MSRA: variants seen among roughly 807,000 people sequenced by gnomAD.
MSRA encodes methionine sulfoxide reductase A, also known as mitochondrial peptide methionine sulfoxide reductase.
Under a neutral mutation model 31.3 loss-of-function variants are expected in MSRA, and 54 were observed. The ratio of observed to expected loss-of-function variants is 1.73; its 90% CI spans 1.39 to 2.17. MSRA has a LOEUF of 2.17. Among genes scored for constraint, MSRA ranks in the 30% most tolerant of loss-of-function variants. MSRA has a pLI of 0.00. For missense variants in MSRA, 507 were observed against 300.9 expected, an observed-to-expected ratio of 1.69 and a Z score of -5.07; for synonymous variants, 169 against 116.5, an observed-to-expected ratio of 1.45 and a Z score of -2.90.
intron 5 of MSRA, among the ~76,000 whole-genome samples, chr8:10,347,238 G>A (rs980045638): frequency 2.0e-5 from 3 of 152,072 alleles, no homozygotes; most frequent in Non-Finnish European, 2.9e-5. Flanking sequence ...AGTAAATACC[G>A]ATTAAACAAA....
chr8:10,165,815 A>G (rs887352258), intron 1 of MSRA, among the ~76,000 whole-genome samples: 1 of 152,172 alleles, frequency 6.6e-6, no homozygotes, highest in Non-Finnish European at 1.5e-5. Flanking sequence ...GCTGACAAAT[A>G]AATGCTTCCT....
chr8:10,383,317 T>A (rs974560343), intron 5 of MSRA, among the ~76,000 whole-genome samples: 1 of 152,134 alleles, frequency 6.6e-6, no homozygotes, highest in Admixed American at 6.6e-5. Flanking sequence ...GTGGGGTGCA[T>A]GGGGTCCTGC....
intron 1 of MSRA, among the ~76,000 whole-genome samples, chr8:10,137,075 C>A (rs561266088): frequency 6.6e-6 from 1 of 152,182 alleles, no homozygotes; most frequent in African/African-American, 2.4e-5. Context: ...AAATTCGCTT[C>A]CATCCTCAGA....
intron 2 of MSRA, among the ~76,000 whole-genome samples, chr8:10,221,207 G>T (rs1810462890): frequency 6.6e-6 from 1 of 152,156 alleles, no homozygotes; most frequent in Non-Finnish European, 1.5e-5. Flanking sequence ...CTGCAGTGAT[G>T]CATAAGAAAT....
chr8:10,143,914 C>T (rs1802918486), intron 1 of MSRA, among the ~76,000 whole-genome samples: 1 of 152,166 alleles, frequency 6.6e-6, no homozygotes. Flanking sequence ...TTCTTGTCTG[C>T]TGCTTTTCTA....
At position 10,216,513 on chromosome 8, in the gene MSRA, A is replaced by C. The variant is rs571843250; in HGVS notation, c.211+8612A>C. Among the ~76,000 whole-genome samples, 7 of 152,324 alleles carry C rather than the reference A, an allele frequency of 4.6e-5. No individual in the cohort carries two copies. The East Asian group carries it at 1.4e-3, about 29-fold the overall frequency. On this transcript the variant is annotated intron_variant, in intron 2 of 5. Transcript: ENST00000317173. ...ACATTGTTTTGTACCCATCACCACC[A>C]TCTAGCTCCAGAATTATTTTATCTT...
intron 1 of MSRA, among the ~76,000 whole-genome samples, chr8:10,186,938 A>C (rs1807107753): frequency 6.6e-6 from 1 of 152,186 alleles, no homozygotes; most frequent in Non-Finnish European, 1.5e-5. Flanking sequence ...AGCTGTCATC[A>C]GTCATTCCGA....
intron 1 of MSRA, among the ~76,000 whole-genome samples, chr8:10,057,265 C>G (rs569544383): frequency 6.6e-6 from 1 of 152,112 alleles, no homozygotes. Context: ...GTAGGGCACA[C>G]GGCAATGTGT....
chr8:10,415,765 G>A (rs1808422030), intron 5 of MSRA, among the ~76,000 whole-genome samples: 1 of 151,620 alleles, frequency 6.6e-6, no homozygotes, highest in Non-Finnish European at 1.5e-5. Context: ...CCAACCCCCA[G>A]CCTCCATGTG....
intron 2 of MSRA, among the ~76,000 whole-genome samples, chr8:10,242,694 T>A (rs550564158): frequency 1.0e-3 from 152 of 152,338 alleles, no homozygotes; most frequent in African/African-American, 3.5e-3. Context: ...AATTTTGCTA[T>A]AAATAAGCCT....
intron 1 of MSRA, among the ~76,000 whole-genome samples, chr8:10,207,301 G>T (rs1188638773): frequency 2.0e-5 from 3 of 152,214 alleles, no homozygotes; most frequent in Non-Finnish European, 4.4e-5. Flanking sequence ...AAGGAGGCTG[G>T]TGTCTTTGGC....
At chr8:10,264,236 A>G (rs1023859942) in intron 3 of MSRA, among the ~76,000 whole-genome samples, 2 of 152,126 alleles carry the variant, frequency 1.3e-5, no homozygotes, top group African/African-American at 2.4e-5. Context: ...CACTGCTATC[A>G]TTGTTTTCCC....
intron 1 of MSRA, among the ~76,000 whole-genome samples, chr8:10,073,347 TTAAA>T (rs1193809074): frequency 1.3e-5 from 2 of 152,196 alleles, no homozygotes; most frequent in African/African-American, 4.8e-5. Context: ...TACCACCTGT[TTAAA>T]TAAAGTTTTA....
intron 1 of MSRA, among the ~76,000 whole-genome samples, chr8:10,114,056 T>G (rs1800495644): frequency 6.6e-6 from 1 of 152,234 alleles, no homozygotes; most frequent in Non-Finnish European, 1.5e-5. Flanking sequence ...TAGAATCATG[T>G]AATAGGTGGT....
At position 10,321,864 on chromosome 8, in the gene MSRA, G is replaced by A. The variant is rs114509762; in HGVS notation, c.543+1875G>A. On this transcript the variant is annotated intron_variant, in intron 5 of 5. Coordinates refer to ENST00000317173, the MANE Select transcript of MSRA (RefSeq NM_012331.5). ...CCCTGCCTGACAGTTTGATTACAGCGTCATGAAGGACTTCAAGCCAGAGGC... is the reference window on the plus strand; with the variant it reads ...CCCTGCCTGACAGTTTGATTACAGCATCATGAAGGACTTCAAGCCAGAGGC... 6.7e-3 allele frequency among the ~76,000 whole-genome samples: 1,022 copies of A among 152,244 alleles called. 4 individuals carry two copies. Among genetic ancestry groups the A allele is most frequent in the African/African-American group, 0.022 (913 of 41,548 alleles).
intron 1 of MSRA, among the ~76,000 whole-genome samples, chr8:10,172,246 G>A (rs1023151260): frequency 4.6e-5 from 7 of 152,168 alleles, no homozygotes; most frequent in African/African-American, 1.2e-4. Flanking sequence ...TATGATACTG[G>A]GCTGCTACAG....
chr8:10,133,100 T>C (rs1297907602), intron 1 of MSRA, among the ~76,000 whole-genome samples: 1 of 152,180 alleles, frequency 6.6e-6, no homozygotes, highest in East Asian at 1.9e-4. Context: ...ACTTGGGTGC[T>C]CTGGGAAGTG....
chr8:10,369,498 C>T (rs528677120), intron 5 of MSRA, among the ~76,000 whole-genome samples: 3 of 152,306 alleles, frequency 2.0e-5, no homozygotes, highest in Admixed American at 2.0e-4. Context: ...GACTGTCACA[C>T]CCAGTGAAGA....
intron 2 of MSRA, among the ~76,000 whole-genome samples, chr8:10,230,304 CTT>C (rs1811355728): frequency 6.6e-6 from 1 of 152,182 alleles, no homozygotes; most frequent in Non-Finnish European, 1.5e-5. Flanking sequence ...TCTGGAAAGA[CTT>C]AAGGGAGAAG....
Sources: allele counts gnomAD v4.1 joint callset (sites outside exome capture counted in the v4.1 genomes callset), GRCh38; gene constraint gnomAD v4.1.1; transcripts MANE v1.5; gene names NCBI Gene and HGNC (gene_info 2026-07-23, HGNC 2026-07-21).